The following COL4A2 variants were observed in gnomAD, a reference collection of about 807,000 sequenced individuals.
The protein encoded by COL4A2 is collagen type IV alpha 2 chain, also known as collagen alpha-2(IV) chain.
Under a neutral mutation model 200.2 loss-of-function variants are expected in COL4A2, and 99 were observed. That is an observed-to-expected ratio of 0.49 (90% CI 0.42 to 0.58). COL4A2 has a LOEUF of 0.58. COL4A2 is among the 20% of genes least tolerant of loss of function. COL4A2 has a pLI of 0.00. For synonymous variants in COL4A2, 897 were observed against 900.6 expected, an observed-to-expected ratio of 1.00 and a Z score of 0.07; for missense variants, 1,950 against 2,314.1, an observed-to-expected ratio of 0.84 and a Z score of 3.23.
Position 110,491,293 on chromosome 13 carries a change from C to G in COL4A2, c.3407C>G (p.Thr1136Arg), listed in dbSNP as rs1224497549. The change falls in exon 37 of 48, where the codon ACA (threonine) becomes AGA (arginine). Residue 1136 changes from threonine to arginine, a missense_variant. By Grantham distance (71) the Thr-to-Arg change is moderately conservative. Coordinates refer to ENST00000360467, the MANE Select transcript of COL4A2 (RefSeq NM_001846.4). The stretch of plus-strand genomic sequence containing the variant: ...GGTGACATCGGCTTCCCTGGGATAA[C>G]AGGCGTGACTGGAGTCCAAGGCCCT... ...TEGDIGFPGI[T>R]GVTGVQGPPG... The G allele has an allele frequency of 6.3e-7, 1 of 1,599,622 alleles. No homozygotes were observed. The highest frequency in any genetic ancestry group is 2.3e-5 in the East Asian group (1 of 44,404).
At chr13:110,459,080 C>T in intron 22 of COL4A2, 146 bp downstream of exon 22, 1 of 774,452 alleles carries the variant, frequency 1.3e-6, no homozygotes, top group South Asian at 2.4e-5. Flanking sequence ...TTCTAAAAAC[C>T]CACATACCCC....
At chr13:110,396,866 AACG>A (rs1879199177) in intron 4 of COL4A2, among the ~76,000 whole-genome samples, 1 of 152,200 alleles carries the variant, frequency 6.6e-6, no homozygotes, top group Admixed American at 6.5e-5. Context: ...TAAACTGTTG[AACG>A]TGTCAGATGG....
At chr13:110,319,901 C>T (rs536071941) in intron 3 of COL4A2, among the ~76,000 whole-genome samples, 1 of 152,334 alleles carries the variant, frequency 6.6e-6, no homozygotes, top group East Asian at 1.9e-4. Flanking sequence ...CGGCCTCCTC[C>T]TTCCTGTTGT....
chr13:110,382,331 T>C lies in COL4A2; in HGVS notation c.180+24779T>C, dbSNP rs1226344535. 2.6e-5 allele frequency among the ~76,000 whole-genome samples: 4 copies of C among 152,280 alleles called. 1 individual carries two copies. Among genetic ancestry groups the C allele is most frequent in the Middle Eastern group, 6.8e-3 (2 of 294 alleles). ...TTTCCACAGCACATTTTAAAAGACTTAGGGGAAAAAACAAGACTTGCAAGA... is the reference window on the plus strand; with the variant it reads ...TTTCCACAGCACATTTTAAAAGACTCAGGGGAAAAAACAAGACTTGCAAGA... On this transcript the variant is annotated intron_variant, in intron 4 of 47. Coordinates refer to ENST00000360467, the MANE Select transcript of COL4A2 (RefSeq NM_001846.4).
intron 47 of COL4A2, among the ~76,000 whole-genome samples, chr13:110,510,208 T>C (rs1884039890): frequency 6.6e-6 from 1 of 152,216 alleles, no homozygotes. Flanking sequence ...CTTTTGTCCG[T>C]GAGGATGGGT....
intron 3 of COL4A2, among the ~76,000 whole-genome samples, chr13:110,338,418 C>T (rs1188456590): frequency 8.3e-6 from 1 of 120,232 alleles, no homozygotes; most frequent in Non-Finnish European, 1.7e-5. Context: ...AGAAAAGACA[C>T]AGAAAATGTT....
intron 3 of COL4A2, among the ~76,000 whole-genome samples, chr13:110,333,845 C>T (rs183643647): frequency 8.8e-4 from 134 of 152,350 alleles, no homozygotes; most frequent in South Asian, 2.5e-3. Flanking sequence ...GTTCTTATCA[C>T]GATCTAGGTC....
chr13:110,408,270 A>G (rs1030226292), intron 4 of COL4A2, among the ~76,000 whole-genome samples: 1 of 152,206 alleles, frequency 6.6e-6, no homozygotes, highest in Admixed American at 6.5e-5. Flanking sequence ...AGCTGGGGAT[A>G]GTGGCATTGC....
Position 110,512,474 on chromosome 13 carries a change from A to G in COL4A2, c.*283A>G. The G allele has an allele frequency of 2.0e-6, 1 of 505,392 alleles. No individual in the cohort carries two copies. Among genetic ancestry groups the G allele is most frequent in the Non-Finnish European group, 3.5e-6 (1 of 285,448 alleles). The allele number at this position is 505,392 out of a possible 1,614,324, so 31.3% of individuals were successfully genotyped here. A position where few individuals can be genotyped will look rare whatever the true frequency, so the allele number is the denominator to read the frequency against. On this transcript the variant is annotated 3_prime_UTR_variant, in exon 48 of 48. Coordinates refer to ENST00000360467, the MANE Select transcript of COL4A2 (RefSeq NM_001846.4). ...CTGAAGGCACAGCTAACCACTTCGCACACACCCATGTAACCACTGCACTTT... is the reference window on the plus strand; with the variant it reads ...CTGAAGGCACAGCTAACCACTTCGCGCACACCCATGTAACCACTGCACTTT...
chr13:110,501,799 TAC>T lies in COL4A2; in HGVS notation c.3877+17_3877+18del. On this transcript the variant is annotated intron_variant, in intron 41 of 47. Coordinates refer to ENST00000360467, the MANE Select transcript of COL4A2 (RefSeq NM_001846.4). ...TGGCCTGAAAGGTAAGCAGGACTTATACATCTGTGCTTCGACATCTCTAGGGG... is the reference window on the plus strand; with the variant it reads ...TGGCCTGAAAGGTAAGCAGGACTTATATCTGTGCTTCGACATCTCTAGGGG... 6.2e-7 allele frequency: 1 copy of T among 1,611,204 alleles called. No homozygotes were observed. Among genetic ancestry groups the T allele is most frequent in the Non-Finnish European group, 8.5e-7 (1 of 1,177,888 alleles).
At chr13:110,377,906 A>G (rs7325524) in intron 4 of COL4A2, among the ~76,000 whole-genome samples, 4 of 152,194 alleles carry the variant, frequency 2.6e-5, no homozygotes, top group African/African-American at 9.7e-5. Context: ...AAAAAAAAGT[A>G]TACTGTCAAA....
At chr13:110,371,553 G>T (rs1878008768) in intron 4 of COL4A2, among the ~76,000 whole-genome samples, 2 of 151,994 alleles carry the variant, frequency 1.3e-5, no homozygotes, top group African/African-American at 2.4e-5. Flanking sequence ...CCCAGTGTGT[G>T]TTTTTTTAAT....
intron 4 of COL4A2, among the ~76,000 whole-genome samples, chr13:110,381,474 C>A (rs9521732): frequency 0.43 from 65,808 of 152,118 alleles, 14,536 homozygotes; most frequent in African/African-American, 0.52. Flanking sequence ...TATTAAACCT[C>A]TTCATCAGGA....
chr13:110,482,904 G>C lies in COL4A2; in HGVS notation c.2902+245G>C, dbSNP rs9583505. On this transcript the variant is annotated intron_variant, in intron 32 of 47. Coordinates refer to ENST00000360467, the MANE Select transcript of COL4A2 (RefSeq NM_001846.4). The stretch of plus-strand genomic sequence containing the variant: ...GAAACTCTTGAGAACCAAAATGATG[G>C]CATCGCTAAGAACCAAATATGTCAT... Among the ~76,000 whole-genome samples the C allele has an allele frequency of 0.67, 101,769 of 151,588 alleles. 34,602 individuals carry two copies. Among genetic ancestry groups the C allele is most frequent in the African/African-American group, 0.79 (32,812 of 41,302 alleles).
intron 4 of COL4A2, among the ~76,000 whole-genome samples, chr13:110,362,608 A>C (rs1235033662): frequency 6.6e-6 from 1 of 152,062 alleles, no homozygotes; most frequent in Non-Finnish European, 1.5e-5. Flanking sequence ...GGTGTGAGCC[A>C]CCACACCCAG....
chr13:110,472,162 C>CTGGA (rs35317059), intron 28 of COL4A2, among the ~76,000 whole-genome samples: 109,946 of 148,996 alleles, frequency 0.74, 41,651 homozygotes, highest in East Asian at 0.91. Context: ...GTCGCCCAGG[C>CTGGA]TGGAGTGCAG....
At chr13:110,492,340 C>T (rs1417326919) in intron 38 of COL4A2, among the ~76,000 whole-genome samples, 163 bp downstream of exon 38, 1 of 152,208 alleles carries the variant, frequency 6.6e-6, no homozygotes. Context: ...CATAGCAGCA[C>T]AGGGTATACT....
intron 4 of COL4A2, among the ~76,000 whole-genome samples, chr13:110,400,791 G>A (rs565489114): frequency 5.9e-5 from 9 of 152,068 alleles, no homozygotes; most frequent in Non-Finnish European, 1.3e-4. Context: ...TCCTGCCCAC[G>A]TACACATATT....
intron 3 of COL4A2, among the ~76,000 whole-genome samples, chr13:110,336,200 T>C (rs1876178508): frequency 6.6e-6 from 1 of 152,248 alleles, no homozygotes; most frequent in South Asian, 2.1e-4. Flanking sequence ...CCATTTCCTC[T>C]TTTCCTGGAA....
Sources: gnomAD v4.1 joint callset for allele counts (sites outside exome capture counted in the v4.1 genomes callset) on GRCh38, gnomAD v4.1.1 for gene constraint, MANE v1.5 for transcripts, NCBI Gene and HGNC (gene_info 2026-07-23, HGNC 2026-07-21) for gene names.